The following GLS variants were observed in gnomAD, a reference collection of about 807,000 sequenced individuals.
GLS encodes glutaminase, also known as glutaminase kidney isoform, mitochondrial.
In GLS, 36 loss-of-function variants were observed where a neutral mutation model predicts 86.7. The ratio of observed to expected loss-of-function variants is 0.42; its 90% CI spans 0.32 to 0.55. The LOEUF (loss-of-function observed/expected upper bound fraction) is 0.55, where lower values mean the gene tolerates loss of function less well. Ranked by LOEUF, GLS falls within the 20% of genes least tolerant of loss-of-function variation. GLS has a pLI of 0.17. For synonymous variants in GLS, 317 were observed against 305.9 expected, an observed-to-expected ratio of 1.04 and a Z score of -0.38; for missense variants, 528 against 833.4, an observed-to-expected ratio of 0.63 and a Z score of 4.51.
At position 190,935,201 on chromosome 2, in the gene GLS, C is replaced by G; in HGVS notation, c.1650+3564C>G. 1.2e-6 allele frequency: 1 copy of G among 863,310 alleles called. No homozygotes were observed. The highest frequency in any genetic ancestry group is 1.4e-6 in the Non-Finnish European group (1 of 718,924). The allele number at this position is 863,310 out of a possible 1,614,324, so 53.5% of individuals were successfully genotyped here. ...GGATGAAAACATTTGTGTTGTTTAGCTTTCATTTGCTTTGTATATTTAATA... is the reference window on the plus strand; with the variant it reads ...GGATGAAAACATTTGTGTTGTTTAGGTTTCATTTGCTTTGTATATTTAATA... On this transcript the variant is annotated intron_variant, in intron 14 of 17. Coordinates refer to ENST00000320717, the MANE Select transcript of GLS (RefSeq NM_014905.5). The surrounding 1 kb of genome is among the most constrained non-coding windows in gnomAD (Gnocchi z 4.2).
At chr2:190,894,788 G>GAGT (rs1376997485) in intron 1 of GLS, among the ~76,000 whole-genome samples, 1 of 152,178 alleles carries the variant, frequency 6.6e-6, no homozygotes, top group East Asian at 1.9e-4. Context: ...CAACTGAACA[G>GAGT]AGTGTTGAGT....
rs1234622603 is a variant in GLS at position 190,881,456 on chromosome 2, G to A, written c.372G>A (p.Val124=). 6.5e-7 allele frequency: 1 copy of A among 1,541,608 alleles called. No homozygotes were observed. Among genetic ancestry groups the A allele is most frequent in the Non-Finnish European group, 8.7e-7 (1 of 1,143,178 alleles). The stretch of plus-strand genomic sequence containing the variant: ...GCAACAGCGAGGGCAAAGAGCTGGT[G>A]GCCTCAGGTGAAAAGTGAGTGTCTC... ...AFGNSEGKEL[V]ASGENKIKQG... is the part of the protein sequence containing the mutation. Residue 124 remains valine, a synonymous_variant, in exon 1 of 18, where the codon GTG becomes GTA. Transcript: ENST00000320717.
intron 14 of GLS, among the ~76,000 whole-genome samples, chr2:190,950,492 TGAGA>T (rs1220487441): frequency 1.3e-5 from 2 of 152,312 alleles, no homozygotes; most frequent in East Asian, 3.9e-4. Context: ...ATGTGGGCTG[TGAGA>T]GAAAGAATAG....
chr2:190,887,892 A>G (rs1688439584), intron 1 of GLS, among the ~76,000 whole-genome samples: 1 of 152,182 alleles, frequency 6.6e-6, no homozygotes, highest in Admixed American at 6.5e-5. Flanking sequence ...GATATAAGGT[A>G]ATGTTATAAC....
chr2:190,911,355 G>T (rs1015588412), intron 7 of GLS, among the ~76,000 whole-genome samples: 4 of 152,068 alleles, frequency 2.6e-5, no homozygotes, highest in African/African-American at 9.7e-5. Flanking sequence ...TTTTAAAATA[G>T]AAGGCTGGTA....
intron 14 of GLS, among the ~76,000 whole-genome samples, chr2:190,944,831 T>C (rs1416959158): frequency 6.6e-6 from 1 of 152,244 alleles, no homozygotes; most frequent in Non-Finnish European, 1.5e-5. Context: ...AGGTAATAAC[T>C]TTTTCTATTT....
Position 190,881,281 on chromosome 2 carries a change from A to C in GLS, c.197A>C (p.Glu66Ala). The C allele has an allele frequency of 4.5e-6, 6 of 1,327,094 alleles. No individual in the cohort carries two copies. The highest frequency in any genetic ancestry group is 5.8e-6 in the Non-Finnish European group (6 of 1,034,996). 82.2% of individuals were successfully genotyped at this position (1,327,094 alleles called of 1,614,324 possible). The change falls in exon 1 of 18, where the codon GAG (glutamate) becomes GCG (alanine). Residue 66 changes from glutamate to alanine, a missense_variant. Glu to Ala is a moderately radical substitution (Grantham distance 107, BLOSUM62 -1). Coordinates refer to ENST00000320717, the MANE Select transcript of GLS (RefSeq NM_014905.5). ...PWWGGGGWPA[E>A]PLARGLSSSP... ...TGGGGCGGGGGCGGCTGGCCGGCGG[A>C]GCCCCTCGCGCGGGGCCTGTCCAGC...
rs1690088971 is a variant in GLS at position 190,930,920 on chromosome 2, A to G, written c.1557+352A>G. Among the ~76,000 whole-genome samples the G allele has an allele frequency of 6.6e-6, 1 of 152,238 alleles. No individual in the cohort carries two copies. Among genetic ancestry groups the G allele is most frequent in the Non-Finnish European group, 1.5e-5 (1 of 68,042 alleles). ...TTGGTTTATTATATCTTTAATCTGC[A>G]TGGTTAAATATCTTTATCCATTGAC... is the stretch of plus-strand genomic sequence containing the variant. On this transcript the variant is annotated intron_variant, in intron 13 of 17. Coordinates refer to ENST00000320717, the MANE Select transcript of GLS (RefSeq NM_014905.5). This position sits in a 1 kb window ranked among gnomAD's most constrained non-coding sequence, Gnocchi z 5.0.
Position 190,955,180 on chromosome 2 carries a change from TGCAGG to T in GLS, c.1853+363_1853+367del, listed in dbSNP as rs1690830956. Among the ~76,000 whole-genome samples the T allele has an allele frequency of 1.3e-5, 2 of 152,298 alleles. No homozygotes were observed. The highest frequency in any genetic ancestry group is 4.1e-4 in the South Asian group (2 of 4,830). On this transcript the variant is annotated intron_variant, in intron 17 of 17. Coordinates refer to ENST00000320717, the MANE Select transcript of GLS (RefSeq NM_014905.5). The surrounding 1 kb of genome is among the most constrained non-coding windows in gnomAD (Gnocchi z 5.6). The stretch of plus-strand genomic sequence containing the variant: ...AGTTCTGGGATACATGTGCAGAACA[TGCAGG>T]TTTGTTACATGGGTATATAAGTGCC...
rs1574612328 is a variant in GLS at position 190,939,995 on chromosome 2, A to G, written c.1650+8358A>G. Among the ~76,000 whole-genome samples the G allele has an allele frequency of 2.6e-5, 4 of 151,912 alleles. No individual in the cohort carries two copies. The South Asian group carries it at 6.2e-4, about 24-fold the overall frequency. ...AAAATTATATCAAAGTTACTCAGGA[A>G]ATGGGTTTTCAGTTCCGTATCTTTA... On this transcript the variant is annotated intron_variant, in intron 14 of 17. Transcript: ENST00000320717.
At chr2:190,952,769 A>G (rs1337618196) in intron 14 of GLS, among the ~76,000 whole-genome samples, 1 of 152,218 alleles carries the variant, frequency 6.6e-6, no homozygotes, top group African/African-American at 2.4e-5. Flanking sequence ...GTATTTACAA[A>G]TATTCTATGG....
chr2:190,886,962 TC>T (rs1355315920), intron 1 of GLS, among the ~76,000 whole-genome samples: 1 of 151,820 alleles, frequency 6.6e-6, no homozygotes, highest in Non-Finnish European at 1.5e-5. Context: ...CTGTACTACT[TC>T]CTTCTTGTGA....
rs570431088 is a variant in GLS at position 190,921,774 on chromosome 2, A to C, written c.1130+571A>C. ...TAAGAATAAGGACATTCTCCTACAT[A>C]ACCACAATACCATTAACACATGTAA... On this transcript the variant is annotated intron_variant, in intron 9 of 17. Coordinates refer to ENST00000320717, the MANE Select transcript of GLS (RefSeq NM_014905.5). This position sits in a 1 kb window ranked among gnomAD's most constrained non-coding sequence, Gnocchi z 4.2. Among the ~76,000 whole-genome samples, 322 of 152,122 alleles carry C rather than the reference A, an allele frequency of 2.1e-3. No homozygotes were observed. The highest frequency in any genetic ancestry group is 7.2e-3 in the African/African-American group (298 of 41,554).
chr2:190,895,552 A>G lies in GLS; in HGVS notation c.484-52A>G, dbSNP rs892898865. ...ATAAAATCTTATAGTTGGTATAAGCATATACATTATTTGCACTATATATTT... is the reference window on the plus strand; with the variant it reads ...ATAAAATCTTATAGTTGGTATAAGCGTATACATTATTTGCACTATATATTT... On this transcript the variant is annotated intron_variant, in intron 2 of 17. Coordinates refer to ENST00000320717, the MANE Select transcript of GLS (RefSeq NM_014905.5). The surrounding 1 kb of genome is among the most constrained non-coding windows in gnomAD (Gnocchi z 4.2). The G allele has an allele frequency of 8.3e-5, 107 of 1,282,044 alleles. No individual in the cohort carries two copies. Among genetic ancestry groups the G allele is most frequent in the Non-Finnish European group, 1.1e-4 (102 of 899,352 alleles). 79.4% of individuals were successfully genotyped at this position (1,282,044 alleles called of 1,614,324 possible).
At chr2:190,901,832 G>A (rs970915030) in intron 4 of GLS, 115 bp from the exon 5 acceptor site, 5 of 699,276 alleles carry the variant, frequency 7.2e-6, no homozygotes, top group Non-Finnish European at 1.3e-5. Context: ...ACTGAGTGTT[G>A]TAGAATAACT....
At position 190,900,544 on chromosome 2, in the gene GLS, T is replaced by G; in HGVS notation, c.606-20T>G. 2.0e-6 allele frequency: 3 copies of G among 1,482,474 alleles called. No individual in the cohort carries two copies. Among genetic ancestry groups the G allele is most frequent in the Non-Finnish European group, 2.8e-6 (3 of 1,084,720 alleles). 91.8% of individuals were successfully genotyped at this position (1,482,474 alleles called of 1,614,324 possible). On this transcript the variant is annotated intron_variant, in intron 3 of 17. Transcript: ENST00000320717. Reference sequence around the variant, plus strand: ...TTTGAAATGTACCCAGTTTATTAATTATCTTTTTACATTCTACAGATGTGT... The same window carrying G: ...TTTGAAATGTACCCAGTTTATTAATGATCTTTTTACATTCTACAGATGTGT...
In GLS at chr2:190,935,675, ACT is replaced by A. The variant is rs768581142; in HGVS notation, c.1650+4042_1650+4043del. Among the ~76,000 whole-genome samples the A allele has an allele frequency of 1.3e-5, 2 of 151,196 alleles. No homozygotes were observed. Among genetic ancestry groups the A allele is most frequent in the Non-Finnish European group, 3.0e-5 (2 of 67,282 alleles). On this transcript the variant is annotated intron_variant, in intron 14 of 17. Transcript: ENST00000320717. The surrounding 1 kb of genome is among the most constrained non-coding windows in gnomAD (Gnocchi z 4.2). ...GAATATTGTTGTTATTCACTATGTA[ACT>A]CTCATTTTATCTGTTGTTGCCTAAA...
chr2:190,893,572 A>G (rs1688633450), intron 1 of GLS, among the ~76,000 whole-genome samples: 1 of 152,168 alleles, frequency 6.6e-6, no homozygotes, highest in Non-Finnish European at 1.5e-5. Context: ...TGTAGTTATT[A>G]TTACTAAAAC....
chr2:190,939,386 A>T (rs182092590), intron 14 of GLS, among the ~76,000 whole-genome samples: 2 of 151,804 alleles, frequency 1.3e-5, no homozygotes, highest in East Asian at 3.9e-4. Flanking sequence ...TTGGTTTCTT[A>T]ATTCTGAAAA....
Sources: allele counts gnomAD v4.1 joint callset (sites outside exome capture counted in the v4.1 genomes callset), GRCh38; gene constraint gnomAD v4.1.1; non-coding constraint Gnocchi (gnomAD v3.1); transcripts MANE v1.5; gene names NCBI Gene and HGNC (gene_info 2026-07-23, HGNC 2026-07-21).